Variants in CNTN5 observed in about 807,000 individuals in gnomAD.
CNTN5 encodes contactin 5, also known as contactin-5.
In CNTN5, 77 loss-of-function variants were observed where a neutral mutation model predicts 129.1. The observed-to-expected ratio is 0.60, with a 90% CI of 0.50 to 0.72. The LOEUF (loss-of-function observed/expected upper bound fraction) is 0.72. Among genes scored for constraint, CNTN5 ranks in the 30% least tolerant of loss-of-function variants. The pLI, the probability that CNTN5 is intolerant of heterozygous loss-of-function variation, is 0.00. For synonymous variants in CNTN5, 509 were observed against 465.6 expected (o/e 1.09, Z -1.20); for missense variants, 1,478 against 1,328.8 (o/e 1.11, Z -1.75).
At chr11:99,440,935 A>G (rs374821765) in intron 2 of CNTN5, among the ~76,000 whole-genome samples, 12 of 152,126 alleles carry the variant, frequency 7.9e-5, no homozygotes, top group African/African-American at 2.9e-4. Flanking sequence ...TACACTCTAG[A>G]TGATATCATA....
chr11:99,342,191 A>T (rs987518603), intron 2 of CNTN5, among the ~76,000 whole-genome samples: 1 of 152,066 alleles, frequency 6.6e-6, no homozygotes, highest in Non-Finnish European at 1.5e-5. Flanking sequence ...TGTAAATAAG[A>T]TTTTACAGAC....
chr11:99,125,005 G>A (rs920182530), intron 1 of CNTN5, among the ~76,000 whole-genome samples: 10 of 151,736 alleles, frequency 6.6e-5, no homozygotes, highest in African/African-American at 2.4e-4. Context: ...AGCACTAGAG[G>A]AATTCACAGC....
chr11:99,981,442 C>G (rs1164437155), intron 8 of CNTN5, among the ~76,000 whole-genome samples: 1 of 152,072 alleles, frequency 6.6e-6, no homozygotes, highest in Non-Finnish European at 1.5e-5. Context: ...ATTGTTCTGT[C>G]TGAGTCCCAA....
At chr11:99,273,135 A>C (rs1352646638) in intron 1 of CNTN5, among the ~76,000 whole-genome samples, 1 of 151,744 alleles carries the variant, frequency 6.6e-6, no homozygotes, top group Non-Finnish European at 1.5e-5. Context: ...AGATACGTAA[A>C]TCCTAGAGTT....
rs184466576 is a variant in CNTN5, at chr11:99,689,362, C to T, written c.56-130182C>T. Among the ~76,000 whole-genome samples the T allele has an allele frequency of 2.5e-4, 38 of 151,760 alleles. No homozygotes were observed. In the East Asian group the frequency reaches 6.8e-3, roughly 27 times the overall value. On this transcript the variant is annotated intron_variant, in intron 3 of 24. Transcript: ENST00000524871. Reference sequence around the variant, plus strand: ...CTAACACAGTGAAACCCCGTCTCTACTAAAAATACAAAAAATTAGCTGGGC... The same window carrying T: ...CTAACACAGTGAAACCCCGTCTCTATTAAAAATACAAAAAATTAGCTGGGC...
chr11:100,199,302 G>A (rs528426002), intron 15 of CNTN5, among the ~76,000 whole-genome samples: 39 of 151,888 alleles, frequency 2.6e-4, no homozygotes, highest in African/African-American at 8.4e-4. Flanking sequence ...GACTCCGAGC[G>A]CTACCCTTTC....
intron 21 of CNTN5, among the ~76,000 whole-genome samples, chr11:100,323,365 G>A (rs752443711): frequency 2.6e-5 from 4 of 152,172 alleles, no homozygotes; most frequent in Non-Finnish European, 4.4e-5. Context: ...TGATCAAGCT[G>A]CAATCTTTTG....
intron 13 of CNTN5, among the ~76,000 whole-genome samples, chr11:100,118,166 A>G (rs545726067): frequency 6.6e-6 from 1 of 151,742 alleles, no homozygotes. Context: ...AATTTGTATC[A>G]CTTTTGAGTA....
chr11:99,627,804 C>A (rs1208102214), intron 3 of CNTN5, among the ~76,000 whole-genome samples: 1 of 151,632 alleles, frequency 6.6e-6, no homozygotes, highest in Non-Finnish European at 1.5e-5. Flanking sequence ...AGAGCACTGA[C>A]AAGTCTTGTG....
chr11:99,578,514 C>G (rs532133105), intron 3 of CNTN5, among the ~76,000 whole-genome samples: 28 of 150,804 alleles, frequency 1.9e-4, no homozygotes, highest in African/African-American at 5.9e-4. Context: ...TTTTAATGAT[C>G]GCCATTCTAA....
chr11:99,301,979 G>A lies in CNTN5; in HGVS notation c.-209-23367G>A, dbSNP rs559702391. On this transcript the variant is annotated intron_variant, in intron 1 of 24. Coordinates refer to ENST00000524871, the MANE Select transcript of CNTN5 (RefSeq NM_014361.4). ...AAAAAACACACTACTAAAAAAACCC[G>A]TGGGCCAAAGACAAAAAGCTTCAGT... Among the ~76,000 whole-genome samples, 38 of 151,550 alleles carry A rather than the reference G, an allele frequency of 2.5e-4. No homozygotes were observed. In the South Asian group the frequency reaches 4.2e-3, roughly 17 times the overall value.
intron 8 of CNTN5, among the ~76,000 whole-genome samples, chr11:99,991,751 T>G (rs867376251): frequency 7.0e-6 from 1 of 142,348 alleles, no homozygotes; most frequent in Admixed American, 7.0e-5. Context: ...CAGGTTTGTT[T>G]GTTTGTTTGT....
At chr11:99,568,336 A>G (rs900232530) in intron 3 of CNTN5, among the ~76,000 whole-genome samples, 1 of 152,232 alleles carries the variant, frequency 6.6e-6, no homozygotes, top group Non-Finnish European at 1.5e-5. Context: ...TTCACATTAT[A>G]TCAAGTGTCC....
intron 2 of CNTN5, among the ~76,000 whole-genome samples, chr11:99,489,001 C>G (rs1331665989): frequency 6.6e-6 from 1 of 151,898 alleles, no homozygotes; most frequent in Non-Finnish European, 1.5e-5. Context: ...CAAACAAGAG[C>G]AGAAGATCTC....
At chr11:99,396,260 TAATAG>T (rs1263719458) in intron 2 of CNTN5, among the ~76,000 whole-genome samples, 3 of 151,628 alleles carry the variant, frequency 2.0e-5, no homozygotes, top group African/African-American at 7.2e-5. Flanking sequence ...AATACGAGCA[TAATAG>T]AATAGGTCAA....
intron 2 of CNTN5, among the ~76,000 whole-genome samples, chr11:99,464,719 T>C (rs1037762536): frequency 6.6e-6 from 1 of 152,156 alleles, no homozygotes; most frequent in African/African-American, 2.4e-5. Context: ...TTTGGATTAA[T>C]TTGAGGTTGT....
chr11:99,646,975 A>G (rs1951988302), intron 3 of CNTN5, among the ~76,000 whole-genome samples: 1 of 152,062 alleles, frequency 6.6e-6, no homozygotes, highest in Middle Eastern at 3.4e-3. Flanking sequence ...ATTTTTTCCC[A>G]TTCTGTAGTT....
At chr11:100,183,293 C>A (rs1948195789) in intron 13 of CNTN5, among the ~76,000 whole-genome samples, 1 of 152,078 alleles carries the variant, frequency 6.6e-6, no homozygotes, top group Non-Finnish European at 1.5e-5. Flanking sequence ...AAGACTTGTG[C>A]ACAAATGTTC....
intron 2 of CNTN5, among the ~76,000 whole-genome samples, chr11:99,427,492 C>A (rs144418157): frequency 2.0e-5 from 3 of 152,022 alleles, no homozygotes; most frequent in African/African-American, 7.2e-5. Flanking sequence ...TTGGGCCTGG[C>A]GCGGTGGCTC....
Sources: allele counts gnomAD v4.1 joint callset (sites outside exome capture counted in the v4.1 genomes callset), GRCh38; gene constraint gnomAD v4.1.1; transcripts MANE v1.5; gene names NCBI Gene and HGNC (gene_info 2026-07-23, HGNC 2026-07-21).